The following PDGFD variants were observed in gnomAD, a reference collection of about 807,000 sequenced individuals.
PDGFD encodes platelet-derived growth factor D.
PDGFD carries 30 observed loss-of-function variants against 44.7 expected under a neutral mutation model. That is an observed-to-expected ratio of 0.67 (90% CI 0.50 to 0.91). The LOEUF is 0.91. PDGFD is among the 40% of genes least tolerant of loss of function. PDGFD has a pLI of 0.00. For missense variants in PDGFD, 445 were observed against 457.8 expected (o/e 0.97, Z 0.25); for synonymous variants, 173 against 168.4 (o/e 1.03, Z -0.21).
chr11:104,143,691 C>T (rs1006456410), intron 1 of PDGFD, among the ~76,000 whole-genome samples: 10 of 152,112 alleles, frequency 6.6e-5, no homozygotes, highest in Middle Eastern at 3.2e-3. Flanking sequence ...GAGAATCATG[C>T]GTTTTACTAG....
intron 1 of PDGFD, among the ~76,000 whole-genome samples, chr11:104,153,167 A>G (rs1862266975): frequency 6.6e-6 from 1 of 152,266 alleles, no homozygotes; most frequent in African/African-American, 2.4e-5. Context: ...CACCCACACA[A>G]TTAAAGCAGA....
At chr11:103,978,124 G>A (rs549271756) in intron 3 of PDGFD, among the ~76,000 whole-genome samples, 10 of 152,104 alleles carry the variant, frequency 6.6e-5, no homozygotes, top group South Asian at 4.1e-4. Flanking sequence ...CAGTAGTGTC[G>A]TTGTTGGTTT....
chr11:104,137,995 T>C lies in PDGFD; in HGVS notation c.124+25809A>G, dbSNP rs1170888419. On this transcript the variant is annotated intron_variant, in intron 1 of 6. Transcript: ENST00000393158. ...GCTATCTCTGCAGCAGAAAATGAGTTATTGAAAGCAGAAAACATACCTGCT... is the reference window on the plus strand; with the variant it reads ...GCTATCTCTGCAGCAGAAAATGAGTCATTGAAAGCAGAAAACATACCTGCT... Among the ~76,000 whole-genome samples, 9 of 152,208 alleles carry C rather than the reference T, an allele frequency of 5.9e-5. 1 individual carries two copies. Among genetic ancestry groups the C allele is most frequent in the African/African-American group, 2.2e-4 (9 of 41,546 alleles).
intron 1 of PDGFD, among the ~76,000 whole-genome samples, chr11:104,151,121 T>C (rs139258070): frequency 7.9e-5 from 12 of 152,300 alleles, no homozygotes; most frequent in African/African-American, 2.4e-4. Context: ...ACCACACTGA[T>C]AGAAAGCTCG....
rs143728688 is a variant in PDGFD at position 104,093,192 on chromosome 11, G to A, written c.124+70612C>T. Among the ~76,000 whole-genome samples the A allele has an allele frequency of 8.8e-3, 1,340 of 152,074 alleles. 13 individuals carry two copies. Among genetic ancestry groups the A allele is most frequent in the Non-Finnish European group, 0.014 (919 of 67,998 alleles). On this transcript the variant is annotated intron_variant, in intron 1 of 6. Transcript: ENST00000393158. ...TGATTTTTCACTGGGAATTCTGGATGGTTTCAAGATGAAAAGTTACATTTT... is the reference window on the plus strand; with the variant it reads ...TGATTTTTCACTGGGAATTCTGGATAGTTTCAAGATGAAAAGTTACATTTT...
At chr11:104,051,166 T>A (rs1860529347) in intron 1 of PDGFD, among the ~76,000 whole-genome samples, 1 of 152,182 alleles carries the variant, frequency 6.6e-6, no homozygotes, top group African/African-American at 2.4e-5. Flanking sequence ...TAAACATAAA[T>A]GCTGTCAGCG....
intron 6 of PDGFD, among the ~76,000 whole-genome samples, chr11:103,915,143 G>C (rs1204478814): frequency 6.6e-6 from 1 of 152,204 alleles, no homozygotes; most frequent in Non-Finnish European, 1.5e-5. Context: ...AATAGAAAGA[G>C]AGGAAGTCAT....
At chr11:104,148,183 G>C (rs780250719) in intron 1 of PDGFD, among the ~76,000 whole-genome samples, 3 of 152,070 alleles carry the variant, frequency 2.0e-5, no homozygotes, top group Non-Finnish European at 4.4e-5. Flanking sequence ...TACCAGTGTT[G>C]ATATAATAAT....
chr11:104,075,569 C>A (rs752326940), intron 1 of PDGFD, among the ~76,000 whole-genome samples: 9 of 151,562 alleles, frequency 5.9e-5, no homozygotes, highest in Admixed American at 2.0e-4. Flanking sequence ...TCATGGCTCA[C>A]TGCAACCTTG....
chr11:104,005,385 G>A (rs1022988008), intron 1 of PDGFD, among the ~76,000 whole-genome samples: 4 of 152,182 alleles, frequency 2.6e-5, no homozygotes, highest in Admixed American at 6.5e-5. Flanking sequence ...TCTTTGCTAC[G>A]GGTAATTGTG....
chr11:104,073,309 A>G (rs1860907459), intron 1 of PDGFD, among the ~76,000 whole-genome samples: 1 of 152,172 alleles, frequency 6.6e-6, no homozygotes, highest in African/African-American at 2.4e-5. Context: ...TGCTACATAA[A>G]TAAATAGGAT....
At chr11:103,981,666 T>A (rs919972003) in intron 3 of PDGFD, among the ~76,000 whole-genome samples, 2 of 151,824 alleles carry the variant, frequency 1.3e-5, no homozygotes, top group Non-Finnish European at 2.9e-5. Flanking sequence ...TATCCTGTAC[T>A]CTTTACATAA....
At chr11:103,949,466 G>A (rs902207005) in intron 3 of PDGFD, among the ~76,000 whole-genome samples, 8 of 152,160 alleles carry the variant, frequency 5.3e-5, no homozygotes, top group Admixed American at 3.3e-4. Flanking sequence ...TTCATAAGTC[G>A]GTGAGCACAT....
chr11:104,092,367 A>C (rs1418488427), intron 1 of PDGFD, among the ~76,000 whole-genome samples: 1 of 152,154 alleles, frequency 6.6e-6, no homozygotes, highest in Non-Finnish European at 1.5e-5. Context: ...TTCTTATTTT[A>C]CAGAAGACAA....
chr11:103,977,816 T>C (rs947280105), intron 3 of PDGFD, among the ~76,000 whole-genome samples: 1 of 152,056 alleles, frequency 6.6e-6, no homozygotes. Flanking sequence ...ATCTAATATG[T>C]ACAGAGATGC....
At chr11:104,098,878 C>G (rs1861325458) in intron 1 of PDGFD, among the ~76,000 whole-genome samples, 1 of 151,998 alleles carries the variant, frequency 6.6e-6, no homozygotes, top group South Asian at 2.1e-4. Flanking sequence ...ACTGGGCAAG[C>G]CACAAAAAAT....
intron 1 of PDGFD, among the ~76,000 whole-genome samples, chr11:104,126,601 G>C (rs1167261888): frequency 6.6e-6 from 1 of 152,116 alleles, no homozygotes; most frequent in South Asian, 2.1e-4. Context: ...TGCTATTTCT[G>C]TTCTTAAGGA....
chr11:104,112,158 T>C (rs1179676236), intron 1 of PDGFD, among the ~76,000 whole-genome samples: 2 of 152,198 alleles, frequency 1.3e-5, no homozygotes, highest in African/African-American at 4.8e-5. Context: ...TAAGATTAAA[T>C]CAACAATGTG....
intron 1 of PDGFD, among the ~76,000 whole-genome samples, chr11:104,149,345 C>A (rs555466628): frequency 3.8e-4 from 58 of 152,198 alleles, no homozygotes; most frequent in African/African-American, 1.2e-3. Context: ...AAAAACATCA[C>A]CAAACTTCTA....
Sources: allele counts gnomAD v4.1 joint callset (sites outside exome capture counted in the v4.1 genomes callset), GRCh38; gene constraint gnomAD v4.1.1; transcripts MANE v1.5; gene names NCBI Gene and HGNC (gene_info 2026-07-23, HGNC 2026-07-21).